The following ZSCAN25 variants were observed in gnomAD, a reference collection of about 807,000 sequenced individuals.
The protein encoded by ZSCAN25 is zinc finger and SCAN domain containing 25, also known as zinc finger and SCAN domain-containing protein 25.
Under a neutral mutation model 38.7 loss-of-function variants are expected in ZSCAN25, and 27 were observed. The observed-to-expected ratio is 0.70, with a 90% CI of 0.51 to 0.96. ZSCAN25 has a LOEUF of 0.96. Among genes scored for constraint, ZSCAN25 ranks in the 40% least tolerant of loss-of-function variants. ZSCAN25 has a pLI of 0.00. For missense variants in ZSCAN25, 637 were observed against 705.9 expected (o/e 0.90, Z 1.11); for synonymous variants, 273 against 277.7 (o/e 0.98, Z 0.17).
At chr7:99,680,050 A>G in the ZSCAN25 span, 4 of 672,244 alleles carry the variant, frequency 6.0e-6, no homozygotes, top group East Asian at 1.1e-4. Flanking sequence ...AGGCAGGGCT[A>G]TAGCTGCAGC....
At chr7:99,698,912 T>A in the ZSCAN25 span, among the ~76,000 whole-genome samples, 1 of 152,206 alleles carries the variant, frequency 6.6e-6, no homozygotes, top group Non-Finnish European at 1.5e-5. Flanking sequence ...TGTGAAAAAA[T>A]TAAAATGAAG....
intron 3 of ZSCAN25, 131 bp from the exon 4 acceptor site, chr7:99,619,430 T>C: frequency 1.4e-6 from 1 of 702,030 alleles, no homozygotes; most frequent in Non-Finnish European, 2.3e-6. Context: ...GACCTGACTT[T>C]TGGGATCTGT....
chr7:99,669,346 T>C, the ZSCAN25 span, among the ~76,000 whole-genome samples: 1 of 152,174 alleles, frequency 6.6e-6, no homozygotes, highest in Admixed American at 6.5e-5. Context: ...TGAAAAAAAG[T>C]CTGTCTTTTC....
chr7:99,732,059 G>A, the ZSCAN25 span, among the ~76,000 whole-genome samples: 1 of 152,164 alleles, frequency 6.6e-6, no homozygotes, highest in Non-Finnish European at 1.5e-5. Context: ...ATGTTGAAAT[G>A]TAATCCCCAA....
chr7:99,645,054 G>A, the ZSCAN25 span, among the ~76,000 whole-genome samples: 2 of 152,128 alleles, frequency 1.3e-5, no homozygotes, highest in Admixed American at 6.5e-5. Context: ...GCAATGGCGC[G>A]ATCTTGGCTC....
downstream of ZSCAN25, among the ~76,000 whole-genome samples, chr7:99,634,109 A>T (rs985667556): frequency 6.6e-6 from 1 of 152,158 alleles, no homozygotes; most frequent in Non-Finnish European, 1.5e-5. Context: ...GTCTGGCTGC[A>T]TGTGCCGTGC....
chr7:99,618,665 C>T lies in ZSCAN25; in HGVS notation c.-132+14C>T, dbSNP rs1198471024. 1 of 152,132 alleles carries T rather than the reference C, an allele frequency of 6.6e-6. No homozygotes were observed. The highest frequency in any genetic ancestry group is 2.4e-5 in the African/African-American group (1 of 41,404). The allele number at this position is 152,132 out of a possible 1,614,324, so 9.4% of individuals were successfully genotyped here. On this transcript the variant is annotated intron_variant, in intron 2 of 7. Transcript: ENST00000394152. The stretch of plus-strand genomic sequence containing the variant: ...GCTTGAATCACTGTAAGTGCCATTT[C>T]CCTCTTGCCACCTCTAGCCTATTCC...
At chr7:99,688,600 T>C in the ZSCAN25 span, among the ~76,000 whole-genome samples, 22 of 152,202 alleles carry the variant, frequency 1.4e-4, no homozygotes, top group African/African-American at 5.3e-4. Context: ...ATTGTCAACA[T>C]TAGACAGATC....
At chr7:99,719,261 A>G in the ZSCAN25 span, among the ~76,000 whole-genome samples, 1 of 152,212 alleles carries the variant, frequency 6.6e-6, no homozygotes, top group Non-Finnish European at 1.5e-5. Context: ...GAGTTACTGT[A>G]CAGGTATTAG....
rs776093274 is a variant in ZSCAN25 at position 99,629,603 on chromosome 7, C to T, written c.1218C>T (p.Ser406=). ...TGGGAAAGAGGCCCTACGTGTGCAG[C>T]GAGTGCTGGAAAACCTTCAGCCAGA... The part of the protein sequence containing the change: ...THLGKRPYVC[S]ECWKTFSQRH... Residue 406 remains serine, a synonymous_variant, in exon 8 of 8, where the codon AGC becomes AGT. Coordinates refer to ENST00000394152, the MANE Select transcript of ZSCAN25 (RefSeq NM_145115.3). The surrounding 1 kb of genome is among the most constrained non-coding windows in gnomAD (Gnocchi z 5.6). The T allele has an allele frequency of 3.8e-5, 61 of 1,614,086 alleles. No individual in the cohort carries two copies. Among genetic ancestry groups the T allele is most frequent in the African/African-American group, 4.0e-5 (3 of 75,030 alleles).
intron 5 of ZSCAN25, 59 bp downstream of exon 5, chr7:99,621,633 A>T: frequency 1.6e-6 from 2 of 1,257,254 alleles, no homozygotes; most frequent in Non-Finnish European, 2.0e-6. Context: ...TGTGCAGCCA[A>T]CTCTCTTCAG....
chr7:99,710,682 T>C, the ZSCAN25 span: 1 of 1,613,328 alleles, frequency 6.2e-7, no homozygotes. Context: ...AGGAAGCATC[T>C]TTGCTAAGGC....
At chr7:99,717,592 C>T in the ZSCAN25 span, 71 of 1,613,578 alleles carry the variant, frequency 4.4e-5, no homozygotes, top group Non-Finnish European at 5.9e-5. Flanking sequence ...ATTCTTCATC[C>T]TCAGCTATAG....
downstream of ZSCAN25, among the ~76,000 whole-genome samples, chr7:99,634,949 A>G (rs890527775): frequency 4.6e-5 from 7 of 152,060 alleles, no homozygotes; most frequent in African/African-American, 1.7e-4. Flanking sequence ...CTCAATAGTA[A>G]TAATAATAAT....
At chr7:99,710,909 G>T in the ZSCAN25 span, 2 of 1,613,472 alleles carry the variant, frequency 1.2e-6, no homozygotes, top group Middle Eastern at 1.7e-4. Flanking sequence ...GGAGAGAAAA[G>T]ACATTTTAGG....
the ZSCAN25 span, chr7:99,665,195 C>A: frequency 6.2e-7 from 1 of 1,613,656 alleles, no homozygotes; most frequent in South Asian, 1.1e-5. Context: ...ATCTAAGAAA[C>A]CAAATTTTAG....
chr7:99,666,750 A>G, the ZSCAN25 span: 1 of 1,612,922 alleles, frequency 6.2e-7, no homozygotes, highest in African/African-American at 1.3e-5. Flanking sequence ...CCAGAAGGAT[A>G]TGGCTTTCTC....
At chr7:99,723,583 C>T in the ZSCAN25 span, among the ~76,000 whole-genome samples, 1 of 152,134 alleles carries the variant, frequency 6.6e-6, no homozygotes, top group Non-Finnish European at 1.5e-5. Flanking sequence ...ACATTTGGTG[C>T]CAAAGACCTG....
the ZSCAN25 span, chr7:99,715,474 G>T: frequency 2.4e-6 from 1 of 419,750 alleles, no homozygotes; most frequent in Non-Finnish European, 4.4e-6. Context: ...TCATTTCTAT[G>T]AAGTGTCCAG....
Sources: allele counts gnomAD v4.1 joint callset (sites outside exome capture counted in the v4.1 genomes callset), GRCh38; gene constraint gnomAD v4.1.1; non-coding constraint Gnocchi (gnomAD v3.1); transcripts MANE v1.5; gene names NCBI Gene and HGNC (gene_info 2026-07-23, HGNC 2026-07-21).